CAST: variants seen among roughly 807,000 people sequenced by gnomAD.
The protein encoded by CAST is calpastatin.
In CAST, 76 loss-of-function variants were observed where a neutral mutation model predicts 119.6. The ratio of observed to expected loss-of-function variants is 0.64; its 90% confidence interval spans 0.53 to 0.77. The LOEUF is 0.77. Ranked by LOEUF, CAST falls within the 30% of genes least tolerant of loss-of-function variation. The probability of loss-of-function intolerance (pLI) is 0.00; values close to 1 mark genes in which losing one functional copy is unlikely to be tolerated. For missense variants in CAST, 953 were observed against 946.5 expected (o/e 1.01, Z -0.09); for synonymous variants, 319 against 331.6 (o/e 0.96, Z 0.41).
At chr5:96,602,514 G>T (rs1269941300) in intron 1 of CAST, among the ~76,000 whole-genome samples, 1 of 152,190 alleles carries the variant, frequency 6.6e-6, no homozygotes, top group South Asian at 2.1e-4. Context: ...CACTTTGGGA[G>T]GCTGAGGCAG....
chr5:96,474,314 C>T, the CAST span, among the ~76,000 whole-genome samples: 1 of 152,052 alleles, frequency 6.6e-6, no homozygotes, highest in Admixed American at 6.5e-5. Context: ...AACACCACTG[C>T]TACCAAAACC....
the CAST span, among the ~76,000 whole-genome samples, chr5:96,177,426 G>A: frequency 6.6e-6 from 1 of 152,150 alleles, no homozygotes; most frequent in Non-Finnish European, 1.5e-5. Context: ...AACCAATCCA[G>A]AAGCAAATTG....
chr5:96,235,381 A>G, the CAST span, among the ~76,000 whole-genome samples: 368 of 152,380 alleles, frequency 2.4e-3, no homozygotes, highest in Non-Finnish European at 4.1e-3. Flanking sequence ...TTCCCTGGGC[A>G]TACAGCAGTA....
At chr5:96,225,123 T>C in the CAST span, among the ~76,000 whole-genome samples, 10 of 151,862 alleles carry the variant, frequency 6.6e-5, no homozygotes, top group Non-Finnish European at 1.3e-4. Context: ...ATATGTGGAA[T>C]CAAATTAAAA....
the CAST span, among the ~76,000 whole-genome samples, chr5:96,192,154 A>T: frequency 6.6e-6 from 1 of 152,190 alleles, no homozygotes; most frequent in Admixed American, 6.5e-5. Context: ...AAAGTCAAGG[A>T]TTAGCTGAGG....
chr5:96,542,039 G>A (rs1201376205), intron 1 of CAST, among the ~76,000 whole-genome samples: 3 of 152,164 alleles, frequency 2.0e-5, no homozygotes, highest in Non-Finnish European at 2.9e-5. Flanking sequence ...GGCCGGACGC[G>A]GTGGCTCACG....
intron 6 of CAST, 83 bp from the exon 7 acceptor site, chr5:96,729,070 T>C: frequency 2.3e-6 from 2 of 878,242 alleles, no homozygotes; most frequent in Admixed American, 2.1e-5. Context: ...AATGTTTTAG[T>C]TGGAATTTTG....
chr5:96,069,275 ATG>A, the CAST span, among the ~76,000 whole-genome samples: 1 of 151,868 alleles, frequency 6.6e-6, no homozygotes, highest in African/African-American at 2.4e-5. Flanking sequence ...ACACAAATAT[ATG>A]TGTATTTTAA....
chr5:96,733,477 A>G (rs1254632919), intron 9 of CAST, among the ~76,000 whole-genome samples: 2 of 152,242 alleles, frequency 1.3e-5, no homozygotes, highest in Non-Finnish European at 2.9e-5. Context: ...AGTGAAAACT[A>G]AACAATAAAA....
chr5:95,961,658 G>C, the CAST span: 2 of 1,610,252 alleles, frequency 1.2e-6, no homozygotes, highest in African/African-American at 1.3e-5. Context: ...TCCTGCCCCA[G>C]CCGTCCGCAC....
the CAST span, among the ~76,000 whole-genome samples, chr5:96,228,132 A>G: frequency 3.3e-5 from 5 of 152,056 alleles, no homozygotes; most frequent in Non-Finnish European, 7.4e-5. Context: ...TCTTGGACCT[A>G]TGAGGTGGCA....
At chr5:96,743,683 C>T (rs26505) in intron 16 of CAST, 276,661 of 1,610,086 alleles carry the variant, frequency 0.17, 25,228 homozygotes, top group East Asian at 0.33. Context: ...CAGTGTGGCA[C>T]GATAAGCTTT....
chr5:96,534,791 A>AAGAAAG (rs1561409043), intron 1 of CAST, among the ~76,000 whole-genome samples: 1 of 127,644 alleles, frequency 7.8e-6, no homozygotes, highest in African/African-American at 3.0e-5. Context: ...GAAAGAAAGA[A>AAGAAAG]AGAAAGAAAG....
At chr5:96,436,591 A>G in the CAST span, among the ~76,000 whole-genome samples, 2 of 152,218 alleles carry the variant, frequency 1.3e-5, no homozygotes, top group Non-Finnish European at 2.9e-5. Context: ...TTTAAATAAT[A>G]TAGCCGTCTT....
the CAST span, among the ~76,000 whole-genome samples, chr5:95,994,237 C>A: frequency 6.6e-6 from 1 of 152,142 alleles, no homozygotes; most frequent in African/African-American, 2.4e-5. Context: ...AACCACATTA[C>A]TTGTAATGGT....
the CAST span, among the ~76,000 whole-genome samples, chr5:96,248,383 G>A: frequency 2.6e-5 from 4 of 152,202 alleles, no homozygotes; most frequent in Non-Finnish European, 5.9e-5. Context: ...GGCGGAATGC[G>A]CTAGGCTTTT....
chr5:96,228,968 G>C, the CAST span, among the ~76,000 whole-genome samples: 1 of 151,868 alleles, frequency 6.6e-6, no homozygotes, highest in Non-Finnish European at 1.5e-5. Flanking sequence ...AATTATTTTT[G>C]TGTAATAAAA....
intron 1 of CAST, among the ~76,000 whole-genome samples, chr5:96,628,168 T>A (rs1242259483): frequency 6.6e-6 from 1 of 152,252 alleles, no homozygotes; most frequent in African/African-American, 2.4e-5. Flanking sequence ...CAAAGGCCTC[T>A]TTTGTAATGG....
the CAST span, among the ~76,000 whole-genome samples, chr5:96,519,808 T>C: frequency 6.6e-6 from 1 of 152,186 alleles, no homozygotes; most frequent in Non-Finnish European, 1.5e-5. Context: ...GGTTTCGCCA[T>C]GTTGGCCAGC....
Sources: allele counts gnomAD v4.1 joint callset (sites outside exome capture counted in the v4.1 genomes callset), GRCh38; gene constraint gnomAD v4.1.1; transcripts MANE v1.5; gene names NCBI Gene and HGNC (gene_info 2026-07-23, HGNC 2026-07-21).